Variants in AFAP1L1 observed in about 807,000 individuals in gnomAD.
AFAP1L1 encodes actin filament associated protein 1 like 1.
Under a neutral mutation model 99.8 loss-of-function variants are expected in AFAP1L1, and 77 were observed. That is an observed-to-expected ratio of 0.77 (90% confidence interval 0.64 to 0.93). The LOEUF is 0.93. AFAP1L1 is among the 40% of genes least tolerant of loss of function. The probability of loss-of-function intolerance (pLI) is 0.00; values close to 1 mark genes in which losing one functional copy is unlikely to be tolerated. For missense variants in AFAP1L1, 893 were observed against 996.8 expected (o/e 0.90, Z 1.40); for synonymous variants, 373 against 395.3 (o/e 0.94, Z 0.67).
chr5:149,272,045 G>C, intron 1 of AFAP1L1, 61 bp downstream of exon 1: 1 of 1,219,644 alleles, frequency 8.2e-7, no homozygotes, highest in Admixed American at 4.3e-5. Flanking sequence ...GAGACTGGAC[G>C]ATCTGAAGCC....
At chr5:149,300,869 A>T (rs1756183009) in intron 3 of AFAP1L1, among the ~76,000 whole-genome samples, 1 of 152,230 alleles carries the variant, frequency 6.6e-6, no homozygotes, top group Non-Finnish European at 1.5e-5. Context: ...TTATAGCATA[A>T]CCCTCAAAGA....
chr5:149,316,212 C>G lies in AFAP1L1; in HGVS notation c.1176C>G (p.Arg392=). Residue 392 remains arginine (R), a synonymous_variant, in exon 11 of 19, where the codon CGC becomes CGG. Transcript: ENST00000296721. ...GCTCAATGAGCAGGGCTGCGGGCCG[C>G]AAGATCACCCGTATCATTGGCTTCT... The part of the protein sequence containing the change: ...LKGSMSRAAG[R]KITRIIGFSK... The G allele has an allele frequency of 6.2e-7, 1 of 1,614,116 alleles. No homozygotes were observed. Among genetic ancestry groups the G allele is most frequent in the Non-Finnish European group, 8.5e-7 (1 of 1,180,010 alleles).
At chr5:149,302,624 T>C (rs1317490000) in intron 5 of AFAP1L1, 98 bp downstream of exon 5, 2 of 1,100,114 alleles carry the variant, frequency 1.8e-6, no homozygotes, top group Non-Finnish European at 2.6e-6. Context: ...ACTGCAAGCC[T>C]GTCACCCTCC....
intron 1 of AFAP1L1, among the ~76,000 whole-genome samples, chr5:149,282,075 T>C (rs950077197): frequency 1.3e-5 from 2 of 152,148 alleles, no homozygotes; most frequent in Non-Finnish European, 2.9e-5. Context: ...CCATCTACAA[T>C]TCCATTCGGG....
intron 1 of AFAP1L1, among the ~76,000 whole-genome samples, chr5:149,282,107 T>C (rs1755536698): frequency 6.6e-6 from 1 of 152,032 alleles, no homozygotes. Context: ...TTGCCCCAAG[T>C]AGGGAGTGAA....
At position 149,319,728 on chromosome 5, in the gene AFAP1L1, G is replaced by A; in HGVS notation, c.1625+1G>A. ...TCAGTGCTGGGCGCAACTCCTTCCT[G>A]TAAGTGTCAGCTGCACTGGCCACAC... On this transcript the variant is annotated splice_donor_variant, in intron 13 of 18. Coordinates refer to ENST00000296721, the MANE Select transcript of AFAP1L1 (RefSeq NM_152406.4). LOFTEE classifies it high-confidence loss of function. 1.2e-6 allele frequency: 2 copies of A among 1,611,506 alleles called. No individual in the cohort carries two copies. The highest frequency in any genetic ancestry group is 1.7e-6 in the Non-Finnish European group (2 of 1,179,814).
chr5:149,319,640 CCA>C lies in AFAP1L1; in HGVS notation c.1539_1540del (p.Arg514SerfsTer9). On this transcript the variant is annotated frameshift_variant, in exon 13 of 19. Coordinates refer to ENST00000296721, the MANE Select transcript of AFAP1L1 (RefSeq NM_152406.4). LOFTEE classifies it high-confidence loss of function. ...GGGCTGCTGCTGGTGGAGATGGGCTCCAGAGTCACTCCGGAGGCGCTGCACTA... is the reference window on the plus strand; with the variant it reads ...GGGCTGCTGCTGGTGGAGATGGGCTCGAGTCACTCCGGAGGCGCTGCACTA... The C allele has an allele frequency of 6.2e-7, 1 of 1,613,214 alleles. No homozygotes were observed. Among genetic ancestry groups the C allele is most frequent in the Non-Finnish European group, 8.5e-7 (1 of 1,179,996 alleles).
chr5:149,319,876 T>A, intron 13 of AFAP1L1, 149 bp downstream of exon 13: 1 of 1,224,020 alleles, frequency 8.2e-7, no homozygotes, highest in Non-Finnish European at 1.1e-6. Flanking sequence ...AGTGTCTTCC[T>A]CTTCCAGCAA....
chr5:149,294,446 A>G (rs977122246), intron 1 of AFAP1L1, among the ~76,000 whole-genome samples: 19 of 152,202 alleles, frequency 1.2e-4, no homozygotes, highest in African/African-American at 4.3e-4. Context: ...AGACTTCTGT[A>G]TTCACTGTGA....
chr5:149,290,874 C>T (rs1755831652), intron 1 of AFAP1L1, among the ~76,000 whole-genome samples: 1 of 152,224 alleles, frequency 6.6e-6, no homozygotes, highest in Admixed American at 6.5e-5. Flanking sequence ...TCCATGTATA[C>T]TTAAACATTT....
chr5:149,278,117 C>G (rs1755395581), intron 1 of AFAP1L1, among the ~76,000 whole-genome samples: 1 of 152,164 alleles, frequency 6.6e-6, no homozygotes, highest in South Asian at 2.1e-4. Context: ...AAAAACAATC[C>G]TGGTTTTAGA....
rs577826537 is a variant in AFAP1L1 at position 149,335,594 on chromosome 5, G to C, written c.2155G>C (p.Glu719Gln). The C allele has an allele frequency of 6.2e-7, 1 of 1,612,132 alleles. No homozygotes were observed. The highest frequency in any genetic ancestry group is 1.3e-5 in the African/African-American group (1 of 74,972). Reference sequence around the variant, plus strand: ...TATAATTATTTATTGCCATCAACAGGAAACTGCAAATAAACCCCAGAACAG... The same window carrying C: ...TATAATTATTTATTGCCATCAACAGCAAACTGCAAATAAACCCCAGAACAG... The part of the protein sequence containing the change: ...LSVSSKPKSG[E>Q]TANKPQNSVP... Residue 719 changes from glutamate to glutamine, a missense_variant and splice_region_variant, in exon 18 of 19, where the codon GAA (glutamate) becomes CAA (glutamine). Transcript: ENST00000296721.
chr5:149,328,303 C>T (rs774040343), intron 15 of AFAP1L1, among the ~76,000 whole-genome samples: 3 of 152,016 alleles, frequency 2.0e-5, no homozygotes, highest in African/African-American at 7.3e-5. Flanking sequence ...AAGCTGTGTG[C>T]GCCTCTGTAT....
At chr5:149,298,912 C>A (rs554715051) in intron 1 of AFAP1L1, among the ~76,000 whole-genome samples, 1 of 152,342 alleles carries the variant, frequency 6.6e-6, no homozygotes, top group African/African-American at 2.4e-5. Flanking sequence ...GTAATTCTTA[C>A]ACACACTCAA....
At chr5:149,309,002 T>G (rs1436822126) in intron 7 of AFAP1L1, among the ~76,000 whole-genome samples, 1 of 151,958 alleles carries the variant, frequency 6.6e-6, no homozygotes, top group Admixed American at 6.6e-5. Context: ...TCCCAGCTAC[T>G]TAGGAGTCTG....
chr5:149,315,711 A>G lies in AFAP1L1; in HGVS notation c.1021-110A>G, dbSNP rs1332164845. 16 of 851,032 alleles carry G rather than the reference A, an allele frequency of 1.9e-5. No individual in the cohort carries two copies. In the Admixed American group the frequency reaches 3.2e-4, roughly 17 times the overall value. The allele number at this position is 851,032 out of a possible 1,614,324, so 52.7% of individuals were successfully genotyped here. A position where few individuals can be genotyped will look rare whatever the true frequency, so the allele number is the denominator to read the frequency against. The stretch of plus-strand genomic sequence containing the variant: ...GGATAGTTGCTGACAAACATTTGTT[A>G]GCTAATTATCATGTGCTGGGGGAGT... On this transcript the variant is annotated intron_variant, in intron 9 of 18. Coordinates refer to ENST00000296721, the MANE Select transcript of AFAP1L1 (RefSeq NM_152406.4).
Position 149,307,443 on chromosome 5 carries a change from G to T in AFAP1L1, c.577G>T (p.Asp193Tyr). 6.2e-7 allele frequency: 1 copy of T among 1,614,130 alleles called. No homozygotes were observed. The highest frequency in any genetic ancestry group is 8.5e-7 in the Non-Finnish European group (1 of 1,180,018). Residue 193 changes from aspartate to tyrosine, a missense_variant, in exon 7 of 19, where the codon GAT (aspartate) becomes TAT (tyrosine). By Grantham distance (160) the Asp-to-Tyr change is radical. Transcript: ENST00000296721. Reference sequence around the variant, plus strand: ...AATGAGCAGCTCCTATGAGTCCTACGATGAAGAGGAGGAGGAAGGGAAGAG... The same window carrying T: ...AATGAGCAGCTCCTATGAGTCCTACTATGAAGAGGAGGAGGAAGGGAAGAG... ...DAMSSSYESY[D>Y]EEEEEGKSPQ...
chr5:149,301,968 G>A (rs753858851), intron 4 of AFAP1L1, among the ~76,000 whole-genome samples: 1 of 152,236 alleles, frequency 6.6e-6, no homozygotes, highest in African/African-American at 2.4e-5. Flanking sequence ...CAACTCACAC[G>A]TGGCAGAACT....
At position 149,334,870 on chromosome 5, in the gene AFAP1L1, C is replaced by T. The variant is rs376797491; in HGVS notation, c.2155-724C>T. On this transcript the variant is annotated intron_variant, in intron 17 of 18. Coordinates refer to ENST00000296721, the MANE Select transcript of AFAP1L1 (RefSeq NM_152406.4). ...CTCCAGCCTTGGCAAGAGAGCAAGACTCTGTCTTACAAAAAAAAAAGAAAG... is the reference window on the plus strand; with the variant it reads ...CTCCAGCCTTGGCAAGAGAGCAAGATTCTGTCTTACAAAAAAAAAAGAAAG... Among the ~76,000 whole-genome samples the T allele has an allele frequency of 2.6e-5, 4 of 151,878 alleles. No homozygotes were observed. The South Asian group carries it at 8.3e-4, about 32-fold the overall frequency.
Sources: gnomAD v4.1 joint callset for allele counts (sites outside exome capture counted in the v4.1 genomes callset) on GRCh38, gnomAD v4.1.1 for gene constraint, MANE v1.5 for transcripts, NCBI Gene and HGNC (gene_info 2026-07-23, HGNC 2026-07-21) for gene names.